The following CFDP1 variants were observed in gnomAD, a reference collection of about 807,000 sequenced individuals.
CFDP1 encodes the protein heterochromatin-stabilizing protein CFDP1.
In CFDP1, 31 loss-of-function variants were observed where a neutral mutation model predicts 40.1. The ratio of observed to expected loss-of-function variants is 0.77; its 90% CI spans 0.58 to 1.04. The LOEUF (loss-of-function observed/expected upper bound fraction) is 1.04, where lower values mean the gene tolerates loss of function less well. CFDP1 is among the 50% of genes least tolerant of loss of function. The pLI is 0.00. For synonymous variants in CFDP1, 167 were observed against 120.0 expected (o/e 1.39, Z -2.56); for missense variants, 423 against 343.4 (o/e 1.23, Z -1.83).
intron 5 of CFDP1, among the ~76,000 whole-genome samples, chr16:75,314,595 A>C (rs2078313276): frequency 6.6e-6 from 1 of 152,130 alleles, no homozygotes; most frequent in South Asian, 2.1e-4. Flanking sequence ...AATATACTAA[A>C]AGCCATTTAA....
Position 75,294,704 on chromosome 16 carries a change from T to C in CFDP1, c.810-662A>G, listed in dbSNP as rs541426105. Among the ~76,000 whole-genome samples the C allele has an allele frequency of 7.9e-5, 12 of 152,228 alleles. No homozygotes were observed. In the South Asian group the frequency reaches 1.7e-3, roughly 21 times the overall value. On this transcript the variant is annotated intron_variant, in intron 6 of 6. Transcript: ENST00000283882. ...TCCACCCTGTTTGCGTCTAGGTTGC[T>C]TCTGCTAAGATGACAGGAGAACTCT...
chr16:75,380,328 C>T (rs927207516), intron 5 of CFDP1, among the ~76,000 whole-genome samples: 4 of 151,918 alleles, frequency 2.6e-5, no homozygotes, highest in Non-Finnish European at 4.4e-5. Flanking sequence ...GGGCAACCTC[C>T]GGGTATTTGG....
intron 5 of CFDP1, among the ~76,000 whole-genome samples, chr16:75,380,441 G>A (rs184688794): frequency 4.6e-5 from 7 of 152,010 alleles, no homozygotes; most frequent in African/African-American, 1.7e-4. Context: ...ACTTCCAGTC[G>A]GGGTTTTATT....
chr16:75,294,162 T>C, intron 6 of CFDP1, 120 bp from the exon 7 acceptor site: 2 of 718,690 alleles, frequency 2.8e-6, no homozygotes, highest in South Asian at 1.7e-5. Flanking sequence ...TGACCACCCA[T>C]GACTCTTCCA....
chr16:75,361,277 C>T (rs1299819359), intron 5 of CFDP1, among the ~76,000 whole-genome samples: 8 of 152,192 alleles, frequency 5.3e-5, no homozygotes, highest in African/African-American at 2.4e-5. Flanking sequence ...TCCCAAAGTG[C>T]TGTGATTACA....
chr16:75,376,833 C>T (rs2051018648), intron 5 of CFDP1, among the ~76,000 whole-genome samples: 1 of 152,208 alleles, frequency 6.6e-6, no homozygotes, highest in Non-Finnish European at 1.5e-5. Context: ...GAGTTACCGC[C>T]CCTTCCCAGA....
At chr16:75,322,879 T>C (rs1272702777) in intron 5 of CFDP1, among the ~76,000 whole-genome samples, 1 of 152,164 alleles carries the variant, frequency 6.6e-6, no homozygotes, top group African/African-American at 2.4e-5. Flanking sequence ...AAGTTTACCA[T>C]GAATGGTGGA....
chr16:75,363,544 C>T (rs9921115), intron 5 of CFDP1, among the ~76,000 whole-genome samples: 32,994 of 151,720 alleles, frequency 0.22, 4,029 homozygotes, highest in African/African-American at 0.33. Context: ...TATAGGTGCC[C>T]GCCATCACAC....
intron 6 of CFDP1, among the ~76,000 whole-genome samples, chr16:75,303,715 G>A (rs1464200556): frequency 6.6e-6 from 1 of 152,142 alleles, no homozygotes; most frequent in East Asian, 1.9e-4. Flanking sequence ...TGTGACAGGT[G>A]TTCTGTAAAG....
At chr16:75,394,042 G>A (rs455407) in intron 5 of CFDP1, among the ~76,000 whole-genome samples, 23,911 of 151,978 alleles carry the variant, frequency 0.16, 2,036 homozygotes, top group East Asian at 0.39. Flanking sequence ...GTGACAGAGC[G>A]AGACTCCACC....
At chr16:75,396,870 C>T (rs1227225510) in intron 4 of CFDP1, among the ~76,000 whole-genome samples, 1 of 152,058 alleles carries the variant, frequency 6.6e-6, no homozygotes, top group Non-Finnish European at 1.5e-5. Context: ...GCCTCAGTGG[C>T]CTCTTTTGTA....
intron 5 of CFDP1, among the ~76,000 whole-genome samples, chr16:75,358,975 G>T (rs1280906992): frequency 6.6e-6 from 1 of 152,144 alleles, no homozygotes; most frequent in South Asian, 2.1e-4. Flanking sequence ...TTACATCACT[G>T]TTCACATTTG....
At chr16:75,414,357 G>A (rs2079186571) in intron 2 of CFDP1, among the ~76,000 whole-genome samples, 1 of 152,128 alleles carries the variant, frequency 6.6e-6, no homozygotes, top group Non-Finnish European at 1.5e-5. Flanking sequence ...CTAACCATAT[G>A]TACATATTAC....
intron 4 of CFDP1, among the ~76,000 whole-genome samples, chr16:75,406,078 C>A (rs1335715141): frequency 6.6e-6 from 1 of 151,054 alleles, no homozygotes; most frequent in Non-Finnish European, 1.5e-5. Flanking sequence ...CCCATCTCTA[C>A]AAAAAAATAA....
At chr16:75,406,299 C>T (rs938627885) in intron 4 of CFDP1, among the ~76,000 whole-genome samples, 1 of 152,080 alleles carries the variant, frequency 6.6e-6, no homozygotes, top group African/African-American at 2.4e-5. Context: ...ATTTCTTCAG[C>T]CTGGGAGATC....
At chr16:75,331,634 C>T (rs139404632) in intron 5 of CFDP1, among the ~76,000 whole-genome samples, 11 of 152,196 alleles carry the variant, frequency 7.2e-5, no homozygotes, top group East Asian at 5.8e-4. Context: ...TGGAATAATA[C>T]GTTATTTTTT....
intron 5 of CFDP1, among the ~76,000 whole-genome samples, chr16:75,387,502 G>A (rs970783388): frequency 6.6e-6 from 1 of 152,166 alleles, no homozygotes; most frequent in African/African-American, 2.4e-5. Context: ...GACAACACCA[G>A]TACCACCAGA....
chr16:75,410,881 C>T (rs868329484), intron 4 of CFDP1, among the ~76,000 whole-genome samples: 63 of 139,292 alleles, frequency 4.5e-4, no homozygotes, highest in African/African-American at 1.6e-3. Flanking sequence ...TGCACTCCAG[C>T]CTGGGCGACA....
chr16:75,384,834 T>G (rs1396855393), intron 5 of CFDP1, among the ~76,000 whole-genome samples: 1 of 101,926 alleles, frequency 9.8e-6, no homozygotes, highest in Non-Finnish European at 2.0e-5. Flanking sequence ...AAATACAAGT[T>G]GCAAGAAGAA....
Sources: gnomAD v4.1 joint callset for allele counts (sites outside exome capture counted in the v4.1 genomes callset) on GRCh38, gnomAD v4.1.1 for gene constraint, MANE v1.5 for transcripts, NCBI Gene and HGNC (gene_info 2026-07-23, HGNC 2026-07-21) for gene names.